DCDC1: variants seen among roughly 807,000 people sequenced by gnomAD.
The protein encoded by DCDC1 is doublecortin domain-containing protein 1.
In DCDC1, 200 loss-of-function variants were observed where a neutral mutation model predicts 178.3. That is an observed-to-expected ratio of 1.12 (90% CI 1.00 to 1.26). The LOEUF is 1.26. Among genes scored for constraint, DCDC1 ranks in the 50% most tolerant of loss-of-function variants. DCDC1 has a pLI of 0.00. For missense variants in DCDC1, 1,983 were observed against 1,749.2 expected (o/e 1.13, Z -2.38); for synonymous variants, 690 against 604.8 (o/e 1.14, Z -2.07).
chr11:30,890,404 G>A (rs1943668605), intron 36 of DCDC1, among the ~76,000 whole-genome samples: 2 of 152,144 alleles, frequency 1.3e-5, no homozygotes, highest in Admixed American at 6.5e-5. Flanking sequence ...TTCTGCTTAA[G>A]GTGTTGAATC....
intron 7 of DCDC1, among the ~76,000 whole-genome samples, chr11:31,274,472 G>T (rs1945823479): frequency 6.6e-6 from 1 of 151,866 alleles, no homozygotes; most frequent in Non-Finnish European, 1.5e-5. Flanking sequence ...CTTCTGAGAA[G>T]AGATAAACTG....
chr11:31,161,935 T>C (rs1337122870), intron 9 of DCDC1, among the ~76,000 whole-genome samples: 1 of 152,328 alleles, frequency 6.6e-6, no homozygotes, highest in East Asian at 1.9e-4. Flanking sequence ...AAGAGGCCAT[T>C]AGATATTTCA....
chr11:30,964,757 C>T (rs1432228817), intron 20 of DCDC1, among the ~76,000 whole-genome samples: 1 of 152,110 alleles, frequency 6.6e-6, no homozygotes, highest in Non-Finnish European at 1.5e-5. Context: ...AATGTGGTTT[C>T]TTCCAATGTT....
chr11:30,943,085 G>T (rs163854), intron 21 of DCDC1: 111,208 of 151,944 alleles, frequency 0.73, 41,773 homozygotes, highest in African/African-American at 0.89. Context: ...ATGTTCCCAT[G>T]CATGTCTTTA....
At chr11:31,102,077 A>C in intron 15 of DCDC1, 100 bp downstream of exon 15, 1 of 483,300 alleles carries the variant, frequency 2.1e-6, no homozygotes, top group South Asian at 3.4e-5. Context: ...ACTCCATCTC[A>C]GAAAAAAAAA....
At chr11:31,230,734 A>C (rs1380473569) in intron 9 of DCDC1, among the ~76,000 whole-genome samples, 6 of 152,230 alleles carry the variant, frequency 3.9e-5, no homozygotes, top group Non-Finnish European at 8.8e-5. Flanking sequence ...CCAACATTTT[A>C]AGTTGACATT....
At chr11:31,356,904 G>C (rs1275470736) in intron 1 of DCDC1, among the ~76,000 whole-genome samples, 1 of 152,136 alleles carries the variant, frequency 6.6e-6, no homozygotes, top group African/African-American at 2.4e-5. Context: ...TTGAATCTCT[G>C]AATAGACCAA....
intron 11 of DCDC1, among the ~76,000 whole-genome samples, chr11:31,120,619 T>C (rs1960657528): frequency 6.6e-6 from 1 of 152,132 alleles, no homozygotes; most frequent in East Asian, 1.9e-4. Context: ...GATCTGCCTC[T>C]ACTGGCAGCA....
At chr11:31,124,074 G>C (rs1473524292) in intron 11 of DCDC1, among the ~76,000 whole-genome samples, 1 of 152,068 alleles carries the variant, frequency 6.6e-6, no homozygotes, top group African/African-American at 2.4e-5. Flanking sequence ...AGAGTGGTGA[G>C]AGAAGGCATC....
intron 12 of DCDC1, among the ~76,000 whole-genome samples, chr11:31,107,989 C>G (rs1313712498): frequency 6.6e-6 from 1 of 152,184 alleles, no homozygotes; most frequent in South Asian, 2.1e-4. Context: ...CTATTAATCC[C>G]CATTGAGGGT....
At chr11:31,287,310 G>A (rs1946907101) in intron 7 of DCDC1, among the ~76,000 whole-genome samples, 1 of 151,636 alleles carries the variant, frequency 6.6e-6, no homozygotes, top group African/African-American at 2.4e-5. Flanking sequence ...TGGGTTGAGA[G>A]GCAAAGATAA....
chr11:31,266,572 C>A lies in DCDC1; in HGVS notation c.961-972G>T, dbSNP rs552484559. 6.6e-5 allele frequency among the ~76,000 whole-genome samples: 10 copies of A among 152,276 alleles called. No homozygotes were observed. In the East Asian group the frequency reaches 1.9e-3, roughly 29 times the overall value. ...GCCATCCATTTTTGACTATTCCCAG[C>A]TATAATATTACTTTCCCATAACCAA... On this transcript the variant is annotated intron_variant, in intron 7 of 38. Transcript: ENST00000684477.
At chr11:31,256,737 A>G (rs541107641) in intron 8 of DCDC1, among the ~76,000 whole-genome samples, 1 of 152,282 alleles carries the variant, frequency 6.6e-6, no homozygotes, top group African/African-American at 2.4e-5. Context: ...AGAATAGGGA[A>G]ATTGACCTTA....
intron 38 of DCDC1, among the ~76,000 whole-genome samples, chr11:30,876,479 CA>C (rs1447198464): frequency 6.6e-6 from 1 of 152,170 alleles, no homozygotes; most frequent in African/African-American, 2.4e-5. Context: ...CTGTCATCTA[CA>C]AAGTAAGTGT....
chr11:31,052,530 T>C (rs975469695), intron 20 of DCDC1, among the ~76,000 whole-genome samples: 1 of 152,058 alleles, frequency 6.6e-6, no homozygotes, highest in Non-Finnish European at 1.5e-5. Context: ...GAACATTTCA[T>C]CCAACAACCG....
At chr11:31,002,390 C>A (rs1045130704) in intron 20 of DCDC1, among the ~76,000 whole-genome samples, 2 of 152,070 alleles carry the variant, frequency 1.3e-5, no homozygotes, top group Non-Finnish European at 2.9e-5. Context: ...ATCACAGGGA[C>A]AATAAATCAA....
chr11:31,045,395 CT>C lies in DCDC1; in HGVS notation c.2591+19073del, dbSNP rs10680628. ...GACCCCATTTTTTCTTTTCTTTTTC[CT>C]TTTTTTTTTTTAACTCGCCTTAGAC... On this transcript the variant is annotated intron_variant, in intron 20 of 38. Coordinates refer to ENST00000684477, the MANE Select transcript of DCDC1 (RefSeq NM_001387274.1). Among the ~76,000 whole-genome samples the C allele has an allele frequency of 3.1e-3, 449 of 143,020 alleles. 1 individual carries two copies. The highest frequency in any genetic ancestry group is 0.011 in the Middle Eastern group (3 of 284). The allele number at this position is 143,020 out of a possible 152,430, so 93.8% of individuals were successfully genotyped here. A position where few individuals can be genotyped will look rare whatever the true frequency, so the allele number is the denominator to read the frequency against.
At chr11:31,358,000 T>G (rs1951480404) in intron 1 of DCDC1, among the ~76,000 whole-genome samples, 1 of 152,000 alleles carries the variant, frequency 6.6e-6, no homozygotes, top group African/African-American at 2.4e-5. Flanking sequence ...ACCGTGAAAA[T>G]GGCCATACTG....
chr11:31,199,182 C>T (rs747864704), intron 9 of DCDC1, among the ~76,000 whole-genome samples: 2 of 151,958 alleles, frequency 1.3e-5, no homozygotes, highest in Non-Finnish European at 2.9e-5. Flanking sequence ...AGGGACTAAA[C>T]CATAAAAGCT....
Sources: gnomAD v4.1 joint callset for allele counts (sites outside exome capture counted in the v4.1 genomes callset) on GRCh38, gnomAD v4.1.1 for gene constraint, MANE v1.5 for transcripts, NCBI Gene and HGNC (gene_info 2026-07-23, HGNC 2026-07-21) for gene names.